Variants in ARID5B observed in about 807,000 individuals in gnomAD.
The protein encoded by ARID5B is AT-rich interactive domain-containing protein 5B.
ARID5B carries 13 observed loss-of-function variants against 97.2 expected under a neutral mutation model. The ratio of observed to expected loss-of-function variants is 0.13; its 90% CI spans 0.09 to 0.21. ARID5B has a LOEUF of 0.21. Among genes scored for constraint, ARID5B ranks in the 10% least tolerant of loss-of-function variants. The pLI is 1.00. For synonymous variants in ARID5B, 556 were observed against 570.3 expected (o/e 0.97, Z 0.36); for missense variants, 1,210 against 1,465.3 (o/e 0.83, Z 2.84).
chr10:62,077,483 T>C (rs1840153012), intron 8 of ARID5B, among the ~76,000 whole-genome samples: 1 of 152,086 alleles, frequency 6.6e-6, no homozygotes, highest in African/African-American at 2.4e-5. Flanking sequence ...TAATCAAGTG[T>C]GTATGTCATG....
chr10:61,924,064 A>G (rs1488268571), intron 2 of ARID5B, among the ~76,000 whole-genome samples: 1 of 152,236 alleles, frequency 6.6e-6, no homozygotes, highest in Admixed American at 6.5e-5. Flanking sequence ...CTATTCATTC[A>G]TTTATTCATT....
chr10:62,074,859 C>T (rs1455156363), intron 8 of ARID5B, among the ~76,000 whole-genome samples: 4 of 152,180 alleles, frequency 2.6e-5, no homozygotes, highest in Admixed American at 1.3e-4. Flanking sequence ...ACAGCAATTG[C>T]GAATAAGCAT....
chr10:62,020,409 C>T (rs1839340855), intron 4 of ARID5B, among the ~76,000 whole-genome samples: 2 of 152,164 alleles, frequency 1.3e-5, no homozygotes, highest in South Asian at 2.1e-4. Flanking sequence ...ATCAAAGAGT[C>T]TGTTTGATCA....
chr10:61,961,799 G>A (rs1241265555), intron 3 of ARID5B, among the ~76,000 whole-genome samples: 1 of 150,158 alleles, frequency 6.7e-6, no homozygotes, highest in African/African-American at 2.5e-5. Context: ...TCAAGCTGGA[G>A]TGCAATGGTG....
chr10:62,015,750 A>T (rs1048867976), intron 4 of ARID5B, among the ~76,000 whole-genome samples: 7 of 152,042 alleles, frequency 4.6e-5, no homozygotes, highest in Non-Finnish European at 8.8e-5. Context: ...CAGCCTCCTG[A>T]GTAGCTGGGA....
chr10:62,037,571 C>G (rs2132913519), intron 4 of ARID5B, among the ~76,000 whole-genome samples: 1 of 152,260 alleles, frequency 6.6e-6, no homozygotes, highest in Non-Finnish European at 1.5e-5. Flanking sequence ...AGGAATTAAA[C>G]AAAAGCCCTT....
At chr10:61,946,188 T>C (rs1844495934) in intron 3 of ARID5B, among the ~76,000 whole-genome samples, 1 of 151,942 alleles carries the variant, frequency 6.6e-6, no homozygotes, top group Admixed American at 6.6e-5. Flanking sequence ...GGTTAAAAAT[T>C]AGCTGTAGTT....
chr10:62,033,221 A>G (rs1219910601), intron 4 of ARID5B, among the ~76,000 whole-genome samples: 2 of 152,244 alleles, frequency 1.3e-5, no homozygotes, highest in Non-Finnish European at 2.9e-5. Flanking sequence ...AGCACATTTC[A>G]GAAACATTTA....
intron 5 of ARID5B, among the ~76,000 whole-genome samples, chr10:62,052,272 T>G (rs1241884458): frequency 6.6e-6 from 1 of 152,230 alleles, no homozygotes; most frequent in South Asian, 2.1e-4. Context: ...TTCTTGTAAG[T>G]TGGACACCTC....
intron 9 of ARID5B, among the ~76,000 whole-genome samples, chr10:62,090,421 G>A (rs899460417): frequency 2.0e-5 from 3 of 152,144 alleles, no homozygotes; most frequent in African/African-American, 4.8e-5. Flanking sequence ...GTTGTTTGTC[G>A]TTAACATGGG....
At chr10:61,958,147 C>G (rs1163997515) in intron 3 of ARID5B, among the ~76,000 whole-genome samples, 3 of 151,516 alleles carry the variant, frequency 2.0e-5, no homozygotes, top group East Asian at 3.8e-4. Flanking sequence ...TGGATGAAGG[C>G]GTAAGCAGTG....
intron 3 of ARID5B, among the ~76,000 whole-genome samples, chr10:61,957,308 G>T (rs113291057): frequency 2.0e-5 from 3 of 151,820 alleles, no homozygotes; most frequent in Admixed American, 6.6e-5. Context: ...TCTCTCTGTC[G>T]CCCAGGCTGG....
At chr10:61,933,253 A>G (rs1844244166) in intron 2 of ARID5B, among the ~76,000 whole-genome samples, 1 of 152,178 alleles carries the variant, frequency 6.6e-6, no homozygotes. Context: ...TTCTAATTCT[A>G]GTTATCTTAT....
At chr10:62,047,732 A>G (rs1264451949) in intron 4 of ARID5B, among the ~76,000 whole-genome samples, 13 of 152,218 alleles carry the variant, frequency 8.5e-5, no homozygotes, top group Admixed American at 8.5e-4. Context: ...CCAGCACACC[A>G]TAATGCACCT....
At chr10:62,072,083 A>C (rs1176449170) in intron 8 of ARID5B, among the ~76,000 whole-genome samples, 1 of 152,190 alleles carries the variant, frequency 6.6e-6, no homozygotes, top group Non-Finnish European at 1.5e-5. Flanking sequence ...GTTGGTTGTC[A>C]CCACCCAGAA....
Position 61,937,459 on chromosome 10 carries a change from C to A in ARID5B, c.277-2724C>A, listed in dbSNP as rs1299915781. Among the ~76,000 whole-genome samples, 10 of 152,180 alleles carry A rather than the reference C, an allele frequency of 6.6e-5. No individual in the cohort carries two copies. The East Asian group carries it at 1.9e-3, about 29-fold the overall frequency. On this transcript the variant is annotated intron_variant, in intron 2 of 9. Coordinates refer to ENST00000279873, the MANE Select transcript of ARID5B (RefSeq NM_032199.3). Reference sequence around the variant, plus strand: ...AATGGTAGAAACTAAATCCAAATTACAGAAATAGGCAGTTTAAAACAATGA... The same window carrying A: ...AATGGTAGAAACTAAATCCAAATTAAAGAAATAGGCAGTTTAAAACAATGA...
chr10:62,019,009 G>A (rs942923724), intron 4 of ARID5B, among the ~76,000 whole-genome samples: 2 of 152,094 alleles, frequency 1.3e-5, no homozygotes, highest in Admixed American at 6.5e-5. Flanking sequence ...AGACCACCAT[G>A]CAGCCCAGAG....
rs554870358 is a variant in ARID5B, at chr10:62,027,660, C to T, written c.734-23228C>T. On this transcript the variant is annotated intron_variant, in intron 4 of 9. Transcript: ENST00000279873. ...GTCCTTCCCTTGTGCTTTGTACAGC[C>T]GGGCAGTATGCACCTTTTTTAACTT... 6.6e-4 allele frequency among the ~76,000 whole-genome samples: 100 copies of T among 152,028 alleles called. 1 individual carries two copies. Among genetic ancestry groups the T allele is most frequent in the Middle Eastern group, 3.4e-3 (1 of 294 alleles).
intron 2 of ARID5B, among the ~76,000 whole-genome samples, chr10:61,908,954 C>T (rs941666658): frequency 6.6e-6 from 1 of 152,112 alleles, no homozygotes; most frequent in African/African-American, 2.4e-5. Flanking sequence ...ACTGAGATCA[C>T]TATTTATTTG....
Sources: allele counts gnomAD v4.1 joint callset (sites outside exome capture counted in the v4.1 genomes callset), GRCh38; gene constraint gnomAD v4.1.1; transcripts MANE v1.5; gene names NCBI Gene and HGNC (gene_info 2026-07-23, HGNC 2026-07-21).